ORC2: variants seen among roughly 807,000 people sequenced by gnomAD.
ORC2 encodes the protein origin recognition complex protein 2 homolog.
A neutral mutation model predicts 77.7 loss-of-function variants in ORC2; 37 were observed. That is an observed-to-expected ratio of 0.48 (90% confidence interval 0.37 to 0.63). The LOEUF (loss-of-function observed/expected upper bound fraction) is 0.63. ORC2 is among the 20% of genes least tolerant of loss of function. The pLI is 0.00. For missense variants in ORC2, 557 were observed against 661.9 expected (o/e 0.84, Z 1.74); for synonymous variants, 201 against 229.5 (o/e 0.88, Z 1.12).
intron 1 of ORC2, chr2:200,963,146 G>C: frequency 3.6e-6 from 1 of 281,604 alleles, no homozygotes; most frequent in Non-Finnish European, 6.6e-6. Flanking sequence ...GTTAGTATCA[G>C]GCGTCCCTTG....
intron 10 of ORC2, among the ~76,000 whole-genome samples, chr2:200,933,042 A>G (rs767625926): frequency 6.6e-6 from 1 of 152,054 alleles, no homozygotes; most frequent in Non-Finnish European, 1.5e-5. Flanking sequence ...ATGAAGTCCT[A>G]TTGTGAGTCT....
chr2:200,939,505 C>G (rs2041109180), intron 7 of ORC2, among the ~76,000 whole-genome samples: 1 of 152,162 alleles, frequency 6.6e-6, no homozygotes, highest in Non-Finnish European at 1.5e-5. Flanking sequence ...CTAGGGCAAA[C>G]AGCTTATCTT....
chr2:200,942,282 C>A (rs763795173), intron 6 of ORC2, among the ~76,000 whole-genome samples: 2 of 152,192 alleles, frequency 1.3e-5, no homozygotes, highest in Admixed American at 6.5e-5. Context: ...ACGAAATGTA[C>A]ACTTTTTAAT....
In ORC2 at chr2:200,920,345, G is replaced by A. The variant is rs1347317763; in HGVS notation, c.1343C>T (p.Thr448Ile). Residue 448 changes from threonine to isoleucine, a missense_variant, in exon 15 of 18, where the codon ACT becomes ATT. Thr to Ile is a moderately conservative substitution (Grantham distance 89). Coordinates refer to ENST00000234296, the MANE Select transcript of ORC2 (RefSeq NM_006190.5). ...TTCAGTATAAGGACTGTATGTAGTA[G>A]TTTCATACCAGAGCCAGTTAAAAAG... ...QSLFNWLWYE[T>I]TTYSPYTEET... The A allele has an allele frequency of 1.9e-6, 3 of 1,610,040 alleles. No individual in the cohort carries two copies. In the South Asian group the frequency reaches 3.3e-5, roughly 18 times the overall value.
At chr2:200,954,271 C>T (rs535615808) in intron 4 of ORC2, among the ~76,000 whole-genome samples, 6 of 152,034 alleles carry the variant, frequency 3.9e-5, no homozygotes, top group African/African-American at 9.7e-5. Context: ...CGTCCTCAGG[C>T]GATCCACCCG....
chr2:200,947,825 C>T (rs959726845), intron 5 of ORC2, among the ~76,000 whole-genome samples: 4 of 151,896 alleles, frequency 2.6e-5, no homozygotes, highest in African/African-American at 9.7e-5. Flanking sequence ...AACCTTGAAC[C>T]CCTAGGCTCA....
chr2:200,941,416 A>G, intron 6 of ORC2, 137 bp from the exon 7 acceptor site: 1 of 625,712 alleles, frequency 1.6e-6, no homozygotes, highest in Non-Finnish European at 2.8e-6. Flanking sequence ...GCAAGGCAGG[A>G]AGATTGCTTG....
chr2:200,944,196 T>TA (rs923104769), intron 5 of ORC2, among the ~76,000 whole-genome samples: 12 of 152,034 alleles, frequency 7.9e-5, no homozygotes, highest in Middle Eastern at 3.2e-3. Flanking sequence ...TTTTTTGAGA[T>TA]AGAGTCTTGC....
chr2:200,942,063 C>T (rs756407619), intron 6 of ORC2, among the ~76,000 whole-genome samples: 9 of 151,646 alleles, frequency 5.9e-5, no homozygotes, highest in African/African-American at 9.7e-5. Flanking sequence ...GCTTATAGGC[C>T]CTGTTACACG....
intron 2 of ORC2, 29 bp from the exon 3 acceptor site, chr2:200,958,162 GTGA>G: frequency 7.7e-7 from 1 of 1,293,512 alleles, no homozygotes; most frequent in Non-Finnish European, 1.1e-6. Flanking sequence ...TTACTCAAAA[GTGA>G]TGAAGAATTC....
intron 15 of ORC2, among the ~76,000 whole-genome samples, chr2:200,915,937 C>T (rs866887203): frequency 2.6e-5 from 4 of 152,060 alleles, no homozygotes; most frequent in South Asian, 4.1e-4. Flanking sequence ...TCAAGTGATC[C>T]GCCCACTTCA....
chr2:200,920,116 C>G, intron 15 of ORC2, 106 bp downstream of exon 15: 1 of 767,426 alleles, frequency 1.3e-6, no homozygotes, highest in Non-Finnish European at 2.0e-6. Flanking sequence ...TATAATTTCA[C>G]TTAATCCTTC....
intron 6 of ORC2, among the ~76,000 whole-genome samples, chr2:200,942,468 C>T (rs1276071612): frequency 6.6e-6 from 1 of 152,166 alleles, no homozygotes; most frequent in Non-Finnish European, 1.5e-5. Flanking sequence ...TGTCAATTTG[C>T]ACAACTTCAG....
Position 200,942,166 on chromosome 2 carries a change from C to T in ORC2, c.421+519G>A, listed in dbSNP as rs368259690. On this transcript the variant is annotated intron_variant, in intron 6 of 17. Coordinates refer to ENST00000234296, the MANE Select transcript of ORC2 (RefSeq NM_006190.5). ...CCTGTGAATAGCCAATGCACTTCAG[C>T]CTGGGCAACATAGCGAGACCCTGTC... is the stretch of plus-strand genomic sequence containing the variant. 5.5e-4 allele frequency among the ~76,000 whole-genome samples: 83 copies of T among 152,116 alleles called. 3 individuals are homozygous for T. The East Asian group carries it at 0.013, about 23-fold the overall frequency.
At chr2:200,957,995 T>A in intron 3 of ORC2, 35 bp downstream of exon 3, 1 of 1,232,956 alleles carries the variant, frequency 8.1e-7, no homozygotes, top group Admixed American at 1.7e-5. Context: ...AACATTATAA[T>A]AAGCATCTCT....
At chr2:200,958,987 T>C (rs1329161788) in intron 2 of ORC2, among the ~76,000 whole-genome samples, 1 of 152,236 alleles carries the variant, frequency 6.6e-6, no homozygotes, top group East Asian at 1.9e-4. Flanking sequence ...ACCTTTTCTT[T>C]TGGCAGGAGA....
chr2:200,950,065 G>A (rs1188641368), intron 4 of ORC2, among the ~76,000 whole-genome samples: 1 of 152,162 alleles, frequency 6.6e-6, no homozygotes. Flanking sequence ...GGGCGCAGTG[G>A]CTCACACCTG....
In ORC2 at chr2:200,910,786, A is replaced by C. The variant is rs2040537608; in HGVS notation, c.*515T>G. 6.5e-6 allele frequency: 1 copy of C among 153,432 alleles called. No homozygotes were observed. The highest frequency in any genetic ancestry group is 1.4e-5 in the Non-Finnish European group (1 of 68,972). The allele number at this position is 153,432 out of a possible 1,614,324, so 9.5% of individuals were successfully genotyped here. A position where few individuals can be genotyped will look rare whatever the true frequency, so the allele number is the denominator to read the frequency against. On this transcript the variant is annotated 3_prime_UTR_variant, in exon 18 of 18. Transcript: ENST00000234296. ...TGGATCACTCACCTCTTCCCAATCT[A>C]CACCTTTTAAGTTGTTTTAGAAACA...
At position 200,957,142 on chromosome 2, in the gene ORC2, T is replaced by C. The variant is rs151283879; in HGVS notation, c.238+259A>G. ...ACCTATGTAACAAGCCTGCACATTG[T>C]ACACATGTATCCTGGAAAAATTTTA... On this transcript the variant is annotated intron_variant, in intron 4 of 17. Coordinates refer to ENST00000234296, the MANE Select transcript of ORC2 (RefSeq NM_006190.5). 3.1e-4 allele frequency among the ~76,000 whole-genome samples: 47 copies of C among 152,340 alleles called. 1 individual carries two copies. The East Asian group carries it at 8.3e-3, about 27-fold the overall frequency.
Sources: gnomAD v4.1 joint callset for allele counts (sites outside exome capture counted in the v4.1 genomes callset) on GRCh38, gnomAD v4.1.1 for gene constraint, MANE v1.5 for transcripts, NCBI Gene and HGNC (gene_info 2026-07-23, HGNC 2026-07-21) for gene names.